SNX29: variants seen among roughly 807,000 people sequenced by gnomAD.
The protein encoded by SNX29 is sorting nexin-29.
A neutral mutation model predicts 102.1 loss-of-function variants in SNX29; 78 were observed. The ratio of observed to expected loss-of-function variants is 0.76; its 90% confidence interval spans 0.64 to 0.92. The LOEUF (loss-of-function observed/expected upper bound fraction) is 0.92, where lower values mean the gene tolerates loss of function less well. Ranked by LOEUF, SNX29 falls within the 40% of genes least tolerant of loss-of-function variation. The probability of loss-of-function intolerance (pLI) is 0.00; values close to 1 mark genes in which losing one functional copy is unlikely to be tolerated. For missense variants in SNX29, 1,280 were observed against 1,061.7 expected (o/e 1.21, Z -2.86); for synonymous variants, 580 against 414.5 (o/e 1.40, Z -4.85).
At chr16:12,027,847 C>G (rs909654815) in intron 4 of SNX29, 1 of 162,880 alleles carries the variant, frequency 6.1e-6, no homozygotes, top group African/African-American at 2.4e-5. Flanking sequence ...TGTTATCATC[C>G]AATTTAATGT....
chr16:12,457,956 G>A lies in SNX29; in HGVS notation c.2038-19763G>A, dbSNP rs769633321. 2.6e-5 allele frequency among the ~76,000 whole-genome samples: 4 copies of A among 152,324 alleles called. No individual in the cohort carries two copies. In the South Asian group the frequency reaches 8.3e-4, roughly 32 times the overall value. On this transcript the variant is annotated intron_variant, in intron 18 of 20. Transcript: ENST00000566228. ...CATACATTAGAGAGAGGTGCAGAGA[G>A]TGTGCCTATCACATCTGAAATGTTC...
chr16:12,099,597 G>T (rs143358770), intron 11 of SNX29, among the ~76,000 whole-genome samples: 2 of 152,248 alleles, frequency 1.3e-5, no homozygotes, highest in African/African-American at 2.4e-5. Context: ...CCGGACTCCC[G>T]GTGAGGGTGG....
intron 16 of SNX29, among the ~76,000 whole-genome samples, chr16:12,378,734 A>G (rs1474460090): frequency 2.0e-5 from 3 of 152,230 alleles, no homozygotes; most frequent in Admixed American, 6.5e-5. Context: ...ACGGTGACCC[A>G]GAGACCTGGG....
chr16:12,265,857 T>C (rs1219579120), intron 14 of SNX29, among the ~76,000 whole-genome samples: 6 of 151,976 alleles, frequency 3.9e-5, no homozygotes, highest in African/African-American at 1.2e-4. Flanking sequence ...ATCATTGCAC[T>C]CCAGTCAGGG....
intron 20 of SNX29, among the ~76,000 whole-genome samples, chr16:12,540,657 A>T (rs2077291378): frequency 6.6e-6 from 1 of 152,170 alleles, no homozygotes; most frequent in African/African-American, 2.4e-5. Context: ...CAAAAGCCTG[A>T]ATGTAACCAC....
chr16:12,539,981 T>G (rs1231327395), intron 20 of SNX29, among the ~76,000 whole-genome samples: 1 of 152,192 alleles, frequency 6.6e-6, no homozygotes, highest in African/African-American at 2.4e-5. Context: ...TATTTTCTTC[T>G]AGTCTTCAGC....
chr16:12,540,451 C>T (rs34393429), intron 20 of SNX29, among the ~76,000 whole-genome samples: 12,124 of 152,302 alleles, frequency 0.08, 695 homozygotes, highest in South Asian at 0.24. Flanking sequence ...GCCAGAAGTC[C>T]GAGATCCGTC....
chr16:11,998,965 A>C (rs2056188233), intron 1 of SNX29, among the ~76,000 whole-genome samples: 1 of 152,160 alleles, frequency 6.6e-6, no homozygotes, highest in African/African-American at 2.4e-5. Context: ...ACATGGAGAC[A>C]TTTTTGTTAT....
At chr16:12,522,615 T>C (rs996220743) in intron 19 of SNX29, among the ~76,000 whole-genome samples, 5 of 152,034 alleles carry the variant, frequency 3.3e-5, no homozygotes, top group African/African-American at 4.8e-5. Flanking sequence ...TGTTTAAAAG[T>C]ATGTGGCACC....
intron 20 of SNX29, chr16:12,526,961 A>G (rs1389116509): frequency 4.9e-6 from 2 of 404,482 alleles, no homozygotes; most frequent in Non-Finnish European, 9.3e-6. Context: ...TAGCACGCAG[A>G]ACAGAACACA....
At chr16:12,360,717 A>G (rs2082277342) in intron 16 of SNX29, among the ~76,000 whole-genome samples, 1 of 151,366 alleles carries the variant, frequency 6.6e-6, no homozygotes, top group Non-Finnish European at 1.5e-5. Flanking sequence ...AATTCCTGAC[A>G]GCTCCAAGAC....
chr16:12,055,582 G>A (rs2050486380), intron 8 of SNX29, among the ~76,000 whole-genome samples: 1 of 152,132 alleles, frequency 6.6e-6, no homozygotes. Flanking sequence ...GGGCTGGGAA[G>A]TCCAAAATCC....
chr16:12,328,820 T>C (rs999552724), intron 15 of SNX29, among the ~76,000 whole-genome samples: 3 of 152,162 alleles, frequency 2.0e-5, no homozygotes, highest in African/African-American at 7.2e-5. Context: ...ATGGAGTTGA[T>C]TGGCTCATGT....
At chr16:12,175,278 C>T (rs2076235115) in intron 13 of SNX29, among the ~76,000 whole-genome samples, 1 of 152,074 alleles carries the variant, frequency 6.6e-6, no homozygotes, top group Non-Finnish European at 1.5e-5. Flanking sequence ...ATATGTTAAG[C>T]CCTAACTCCC....
intron 20 of SNX29, among the ~76,000 whole-genome samples, chr16:12,566,521 C>A (rs779854177): frequency 2.0e-5 from 3 of 152,208 alleles, no homozygotes; most frequent in Admixed American, 6.5e-5. Context: ...TCAGACCCCG[C>A]ATCTGAAGAG....
intron 13 of SNX29, among the ~76,000 whole-genome samples, chr16:12,153,618 C>T (rs182804284): frequency 9.6e-4 from 146 of 151,486 alleles, no homozygotes; most frequent in African/African-American, 3.4e-3. Context: ...GGATTACAGG[C>T]GTGCACCACC....
intron 16 of SNX29, among the ~76,000 whole-genome samples, chr16:12,357,572 C>T (rs929110576): frequency 2.0e-5 from 3 of 152,164 alleles, no homozygotes; most frequent in South Asian, 2.1e-4. Context: ...TTTTAACCAT[C>T]GTTAAGTGTA....
rs1598139333 is a variant in SNX29, at chr16:12,571,187, G to C, written c.*2558G>C. ...GTCCTGCTCTCTAGTGTGGTGGGAT[G>C]AACTTCAGGCAACAAACAACTGGCA... On this transcript the variant is annotated 3_prime_UTR_variant, in exon 21 of 21. Transcript: ENST00000566228. The C allele has an allele frequency of 8.6e-6, 2 of 232,418 alleles. No homozygotes were observed. Among genetic ancestry groups the C allele is most frequent in the South Asian group, 1.8e-4 (1 of 5,516 alleles). 14.4% of individuals were successfully genotyped at this position (232,418 alleles called of 1,614,324 possible).
chr16:12,560,033 A>ATTTTTCTTTGTGT (rs2141461342), intron 20 of SNX29, among the ~76,000 whole-genome samples: 2 of 152,154 alleles, frequency 1.3e-5, no homozygotes, highest in Non-Finnish European at 2.9e-5. Context: ...TTAGTATGAC[A>ATTTTTCTTTGTGT]AATACACAAA....
Sources: allele counts gnomAD v4.1 joint callset (sites outside exome capture counted in the v4.1 genomes callset), GRCh38; gene constraint gnomAD v4.1.1; transcripts MANE v1.5; gene names NCBI Gene and HGNC (gene_info 2026-07-23, HGNC 2026-07-21).